The following TBC1D22A variants were observed in gnomAD, a reference collection of about 807,000 sequenced individuals.
The protein encoded by TBC1D22A is putative GTPase activator.
TBC1D22A carries 38 observed loss-of-function variants against 60.2 expected under a neutral mutation model. That is an observed-to-expected ratio of 0.63 (90% CI 0.49 to 0.83). TBC1D22A has a LOEUF of 0.83. Among genes scored for constraint, TBC1D22A ranks in the 40% least tolerant of loss-of-function variants. TBC1D22A has a pLI of 0.00. For missense variants in TBC1D22A, 628 were observed against 701.0 expected, an observed-to-expected ratio of 0.90 and a Z score of 1.18; for synonymous variants, 302 against 281.7, an observed-to-expected ratio of 1.07 and a Z score of -0.72.
chr22:46,834,456 G>A (rs1355055156), intron 4 of TBC1D22A, among the ~76,000 whole-genome samples: 1 of 152,094 alleles, frequency 6.6e-6, no homozygotes, highest in Non-Finnish European at 1.5e-5. Context: ...CTCCCTGAAG[G>A]CAGCATAGCT....
chr22:46,818,047 A>T (rs1247797863), intron 4 of TBC1D22A, among the ~76,000 whole-genome samples: 1 of 152,174 alleles, frequency 6.6e-6, no homozygotes, highest in Non-Finnish European at 1.5e-5. Context: ...GGCCGCATAA[A>T]TGTCTTCTTT....
chr22:46,915,656 G>T, intron 8 of TBC1D22A: 1 of 456,708 alleles, frequency 2.2e-6, no homozygotes, highest in Non-Finnish European at 4.4e-6. Flanking sequence ...AATCCCCGGG[G>T]TGTGGGATTT....
At chr22:47,011,723 A>G (rs1209801655) in intron 10 of TBC1D22A, among the ~76,000 whole-genome samples, 3 of 152,156 alleles carry the variant, frequency 2.0e-5, no homozygotes, top group Admixed American at 6.5e-5. Context: ...CCAGATGTTT[A>G]TGATTTTCTT....
At chr22:47,002,929 G>A (rs1446824377) in intron 10 of TBC1D22A, among the ~76,000 whole-genome samples, 3 of 152,156 alleles carry the variant, frequency 2.0e-5, no homozygotes, top group Non-Finnish European at 2.9e-5. Context: ...CAACAGCATC[G>A]AAGCTGTCGC....
intron 4 of TBC1D22A, among the ~76,000 whole-genome samples, chr22:46,806,654 TA>T (rs1317298867): frequency 6.6e-6 from 1 of 152,024 alleles, no homozygotes; most frequent in Admixed American, 6.6e-5. Context: ...AAAATCAAGC[TA>T]AAAAAGGATA....
chr22:47,175,032 C>T lies in TBC1D22A; in HGVS notation c.*1406C>T, dbSNP rs1269798877. 1 of 152,362 alleles carries T rather than the reference C, an allele frequency of 6.6e-6. No individual in the cohort carries two copies. The highest frequency in any genetic ancestry group is 2.4e-5 in the African/African-American group (1 of 41,464). The allele number at this position is 152,362 out of a possible 1,614,324, so 9.4% of individuals were successfully genotyped here. ...CCACTGGTGACTGACTTCCCAGACT[C>T]TCCTCTGTCCCTCAGGAGCAGCCGT... On this transcript the variant is annotated 3_prime_UTR_variant, in exon 13 of 13. Coordinates refer to ENST00000337137, the MANE Select transcript of TBC1D22A (RefSeq NM_014346.5).
At chr22:47,092,555 G>T (rs2065019656) in intron 11 of TBC1D22A, among the ~76,000 whole-genome samples, 1 of 152,170 alleles carries the variant, frequency 6.6e-6, no homozygotes, top group Non-Finnish European at 1.5e-5. Context: ...GTGTGCACAG[G>T]GGTGAGCCCG....
chr22:47,099,509 G>A (rs375998994), intron 11 of TBC1D22A, among the ~76,000 whole-genome samples: 163 of 151,238 alleles, frequency 1.1e-3, no homozygotes, highest in Admixed American at 4.3e-3. Flanking sequence ...GCAATGGCGC[G>A]ATCTCAGCTC....
intron 12 of TBC1D22A, among the ~76,000 whole-genome samples, chr22:47,164,737 T>C (rs2068130414): frequency 6.6e-6 from 1 of 152,192 alleles, no homozygotes; most frequent in Non-Finnish European, 1.5e-5. Context: ...CTGGGGTCGC[T>C]CCGCTGGCAG....
intron 7 of TBC1D22A, among the ~76,000 whole-genome samples, chr22:46,904,068 A>G (rs1184763527): frequency 6.6e-6 from 1 of 151,044 alleles, no homozygotes; most frequent in Non-Finnish European, 1.5e-5. Context: ...ATATATGTGT[A>G]TGTATACATA....
chr22:47,076,208 A>T (rs1046172374), intron 11 of TBC1D22A, among the ~76,000 whole-genome samples: 8 of 152,112 alleles, frequency 5.3e-5, no homozygotes, highest in African/African-American at 1.9e-4. Flanking sequence ...GGTTGTATAT[A>T]GAAGTCTGCA....
chr22:47,102,646 C>A (rs559500844), intron 11 of TBC1D22A, among the ~76,000 whole-genome samples: 49 of 152,266 alleles, frequency 3.2e-4, no homozygotes, highest in African/African-American at 1.1e-3. Context: ...GCTCTGTTTT[C>A]CCCCAGTGCT....
intron 8 of TBC1D22A, among the ~76,000 whole-genome samples, chr22:46,920,084 TATGA>T (rs1555949381): frequency 4.1e-4 from 61 of 149,104 alleles, no homozygotes; most frequent in African/African-American, 1.0e-3. Flanking sequence ...TGTATGTATG[TATGA>T]ATGAAGGAGA....
intron 8 of TBC1D22A, among the ~76,000 whole-genome samples, chr22:46,951,520 A>T (rs2072901596): frequency 6.6e-6 from 1 of 152,190 alleles, no homozygotes; most frequent in Non-Finnish European, 1.5e-5. Flanking sequence ...GAGTGATGGG[A>T]CATCTGCACG....
At chr22:46,781,777 G>T (rs936373350) in intron 1 of TBC1D22A, among the ~76,000 whole-genome samples, 2 of 152,132 alleles carry the variant, frequency 1.3e-5, no homozygotes, top group Non-Finnish European at 2.9e-5. Flanking sequence ...CTCTCCTGTC[G>T]TGGGTTAGAG....
chr22:46,870,909 G>A (rs1357668315), intron 4 of TBC1D22A, among the ~76,000 whole-genome samples: 1 of 152,132 alleles, frequency 6.6e-6, no homozygotes, highest in Admixed American at 6.6e-5. Flanking sequence ...CTGTTGCACT[G>A]GGGATTAACT....
chr22:46,847,085 T>C (rs113283791), intron 4 of TBC1D22A, among the ~76,000 whole-genome samples: 361 of 152,296 alleles, frequency 2.4e-3, no homozygotes, highest in African/African-American at 8.3e-3. Flanking sequence ...CTTTGGTCAA[T>C]TGGGACTGGA....
At chr22:47,045,663 T>C (rs4480) in intron 11 of TBC1D22A, among the ~76,000 whole-genome samples, 116,930 of 152,118 alleles carry the variant, frequency 0.77, 46,165 homozygotes, top group African/African-American at 0.94. Context: ...TCTTGCTCAC[T>C]AGTCCCTTAC....
chr22:47,134,250 C>T (rs1386469962), intron 12 of TBC1D22A, among the ~76,000 whole-genome samples: 1 of 152,268 alleles, frequency 6.6e-6, no homozygotes, highest in Non-Finnish European at 1.5e-5. Context: ...AGCTCATCCG[C>T]TCAGTCCCTG....
Sources: gnomAD v4.1 joint callset for allele counts (sites outside exome capture counted in the v4.1 genomes callset) on GRCh38, gnomAD v4.1.1 for gene constraint, MANE v1.5 for transcripts, NCBI Gene and HGNC (gene_info 2026-07-23, HGNC 2026-07-21) for gene names.